The following SLC37A1 variants were observed in gnomAD, a reference collection of about 807,000 sequenced individuals.
SLC37A1 encodes the protein solute carrier family 37 member 1.
SLC37A1 carries 49 observed loss-of-function variants against 75.3 expected under a neutral mutation model. That is an observed-to-expected ratio of 0.65 (90% CI 0.52 to 0.83). The LOEUF (loss-of-function observed/expected upper bound fraction) is 0.83. Ranked by LOEUF, SLC37A1 falls within the 40% of genes least tolerant of loss-of-function variation. SLC37A1 has a pLI of 0.00. For missense variants in SLC37A1, 566 were observed against 695.0 expected (o/e 0.81, Z 2.09); for synonymous variants, 268 against 292.1 (o/e 0.92, Z 0.84).
intron 18 of SLC37A1, among the ~76,000 whole-genome samples, chr21:42,576,929 T>A (rs981505600): frequency 2.9e-4 from 44 of 152,336 alleles, no homozygotes; most frequent in Middle Eastern, 3.4e-3. Context: ...TGGCCTAAAG[T>A]TATCTGAAAG....
chr21:42,575,476 C>T, intron 18 of SLC37A1: 1 of 985,414 alleles, frequency 1.0e-6, no homozygotes, highest in Non-Finnish European at 1.2e-6. Flanking sequence ...TGGCTTCTGC[C>T]CCCTTTTCTC....
chr21:42,514,212 T>G lies in SLC37A1; in HGVS notation c.-684T>G, dbSNP rs2054478534. On this transcript the variant is annotated 5_prime_UTR_variant, in exon 1 of 20. Coordinates refer to ENST00000352133, the MANE Select transcript of SLC37A1 (RefSeq NM_001320537.2). This position sits in a 1 kb window ranked among gnomAD's most constrained non-coding sequence, Gnocchi z 4.8. ...AATACGACATCTAGAAGAGTGGCCC[T>G]CGGCGACAATGCCGGGCGTTCCCGG... 6.6e-6 allele frequency: 1 copy of G among 151,822 alleles called. No individual in the cohort carries two copies. The highest frequency in any genetic ancestry group is 1.5e-5 in the Non-Finnish European group (1 of 67,942). 9.4% of individuals were successfully genotyped at this position (151,822 alleles called of 1,614,324 possible).
chr21:42,499,628 C>CA (rs2054322770), upstream of SLC37A1: 2 of 152,254 alleles, frequency 1.3e-5, no homozygotes, highest in South Asian at 4.1e-4. Context: ...CCATAACCCC[C>CA]AAGTGGGAAG....
At chr21:42,570,788 G>A (rs1294610470) in intron 17 of SLC37A1, among the ~76,000 whole-genome samples, 1 of 152,224 alleles carries the variant, frequency 6.6e-6, no homozygotes, top group Admixed American at 6.5e-5. Context: ...CTGTGGCTAA[G>A]GGTGGAGACC....
At chr21:42,546,666 TGGGGACAGGCC>T (rs1231649924) in intron 8 of SLC37A1, among the ~76,000 whole-genome samples, 5 of 152,210 alleles carry the variant, frequency 3.3e-5, no homozygotes, top group Admixed American at 6.5e-5. Flanking sequence ...GCCGAGTGAC[TGGGGACAGGCC>T]GGGGCGTGTG....
rs2055760340 is a variant in SLC37A1 at position 42,559,041 on chromosome 21, T to TGGGAGTGGCACGGCCGCC, written c.934_951dup (p.Gly312_Ala317dup). 1.2e-6 allele frequency: 2 copies of TGGGAGTGGCACGGCCGCC among 1,613,412 alleles called. No homozygotes were observed. Among genetic ancestry groups the TGGGAGTGGCACGGCCGCC allele is most frequent in the South Asian group, 1.1e-5 (1 of 90,950 alleles). ...ACGTCGTCATTCTCCCCGGGGACGG[T>TGGGAGTGGCACGGCCGCC]GGGAGTGGCACGGCCGCCATCAGCT... On this transcript the variant is annotated inframe_insertion, in exon 11 of 20. Transcript: ENST00000352133.
In SLC37A1 at chr21:42,552,776, G is replaced by A. The variant is rs981539140; in HGVS notation, c.769-1286G>A. Among the ~76,000 whole-genome samples the A allele has an allele frequency of 1.3e-5, 2 of 152,184 alleles. No homozygotes were observed. The highest frequency in any genetic ancestry group is 2.9e-5 in the Non-Finnish European group (2 of 68,042). On this transcript the variant is annotated intron_variant, in intron 9 of 19. Transcript: ENST00000352133. This position sits in a 1 kb window ranked among gnomAD's most constrained non-coding sequence, Gnocchi z 4.2. ...AGATAGGCTTTGCCTGAGCACCCAC[G>A]TTCCTGGCTGAAAAGCAGGAAGAAG...
chr21:42,544,072 AT>A (rs1313007539), intron 8 of SLC37A1, among the ~76,000 whole-genome samples: 2 of 152,260 alleles, frequency 1.3e-5, no homozygotes, highest in African/African-American at 4.8e-5. Context: ...TCCATTTCAG[AT>A]TCAATAGCAA....
At chr21:42,572,811 T>G (rs2056217760) in intron 17 of SLC37A1, among the ~76,000 whole-genome samples, 1 of 151,610 alleles carries the variant, frequency 6.6e-6, no homozygotes, top group Non-Finnish European at 1.5e-5. Flanking sequence ...TCCTCCAGGC[T>G]CCCTCCTGCC....
rs1277089312 is a variant in SLC37A1 at position 42,547,901 on chromosome 21, G to A, written c.768+761G>A. ...TGGCATGACACCCCTCCTGTCTGCAGGCCACCGCCACCTCACGGGAACAGC... is the reference window on the plus strand; with the variant it reads ...TGGCATGACACCCCTCCTGTCTGCAAGCCACCGCCACCTCACGGGAACAGC... On this transcript the variant is annotated intron_variant, in intron 9 of 19. Coordinates refer to ENST00000352133, the MANE Select transcript of SLC37A1 (RefSeq NM_001320537.2). The surrounding 1 kb of genome is among the most constrained non-coding windows in gnomAD (Gnocchi z 6.1). 1.3e-5 allele frequency among the ~76,000 whole-genome samples: 2 copies of A among 152,124 alleles called. No homozygotes were observed. The highest frequency in any genetic ancestry group is 2.9e-5 in the Non-Finnish European group (2 of 68,014).
chr21:42,536,099 C>T (rs568457939), intron 5 of SLC37A1, among the ~76,000 whole-genome samples: 7 of 152,244 alleles, frequency 4.6e-5, no homozygotes, highest in South Asian at 4.1e-4. Flanking sequence ...GAGACCGGCT[C>T]GGATCTGAGT....
chr21:42,530,595 T>TACACACACACACACACACAC (rs71190427), intron 3 of SLC37A1, among the ~76,000 whole-genome samples: 4 of 103,128 alleles, frequency 3.9e-5, no homozygotes, highest in East Asian at 2.9e-4. Context: ...ATGCAGATGA[T>TACACACACACACACACACAC]ACACACACAC....
In SLC37A1 at chr21:42,545,640, G is replaced by T. The variant is rs2055388439; in HGVS notation, c.731-1463G>T. Among the ~76,000 whole-genome samples, 1 of 152,238 alleles carries T rather than the reference G, an allele frequency of 6.6e-6. No homozygotes were observed. Among genetic ancestry groups the T allele is most frequent in the South Asian group, 2.1e-4 (1 of 4,830 alleles). On this transcript the variant is annotated intron_variant, in intron 8 of 19. Transcript: ENST00000352133. This position sits in a 1 kb window ranked among gnomAD's most constrained non-coding sequence, Gnocchi z 4.0. ...CCAGCCAAGGGACGTGTGTGCCCAA[G>T]TCCCTGAAGGTGAAAGTCCAGGAAG... is the stretch of plus-strand genomic sequence containing the variant.
intron 2 of SLC37A1, among the ~76,000 whole-genome samples, chr21:42,503,338 C>T (rs1219985337): frequency 6.6e-6 from 1 of 150,896 alleles, no homozygotes; most frequent in Non-Finnish European, 1.5e-5. Context: ...CAGCCTAGAC[C>T]TCCCAGGTTC....
rs948782434 is a variant in SLC37A1 at position 42,548,377 on chromosome 21, C to T, written c.768+1237C>T. The stretch of plus-strand genomic sequence containing the variant: ...CTCTTGATTTTACCCCTGCACAAGC[C>T]GATCCCCCAGCATCCCCCATCTCAG... On this transcript the variant is annotated intron_variant, in intron 9 of 19. Coordinates refer to ENST00000352133, the MANE Select transcript of SLC37A1 (RefSeq NM_001320537.2). This position sits in a 1 kb window ranked among gnomAD's most constrained non-coding sequence, Gnocchi z 5.6. Among the ~76,000 whole-genome samples the T allele has an allele frequency of 6.6e-6, 1 of 152,010 alleles. No homozygotes were observed.
At position 42,514,756 on chromosome 21, in the gene SLC37A1, AC is replaced by A. The variant is rs1165564298; in HGVS notation, c.-179+40del. The A allele has an allele frequency of 6.6e-6, 1 of 152,216 alleles. No homozygotes were observed. The highest frequency in any genetic ancestry group is 1.5e-5 in the Non-Finnish European group (1 of 68,070). The allele number at this position is 152,216 out of a possible 1,614,324, so 9.4% of individuals were successfully genotyped here. A position where few individuals can be genotyped will look rare whatever the true frequency, so the allele number is the denominator to read the frequency against. ...AAGGATTTGCATTTGAACGAAGGAT[AC>A]TGGCCAAGCCCCTTACCACCCCCAC... On this transcript the variant is annotated intron_variant, in intron 1 of 19. Coordinates refer to ENST00000352133, the MANE Select transcript of SLC37A1 (RefSeq NM_001320537.2). The surrounding 1 kb of genome is among the most constrained non-coding windows in gnomAD (Gnocchi z 4.8).
At chr21:42,558,916 G>A in intron 10 of SLC37A1, 42 bp from the exon 11 acceptor site, 2 of 1,612,384 alleles carry the variant, frequency 1.2e-6, no homozygotes, top group Non-Finnish European at 8.5e-7. Flanking sequence ...CTGCCCGGCT[G>A]GTAACACCTT....
intron 17 of SLC37A1, among the ~76,000 whole-genome samples, chr21:42,570,516 G>A (rs571449489): frequency 6.6e-6 from 1 of 152,320 alleles, no homozygotes; most frequent in African/African-American, 2.4e-5. Context: ...GAAGTCGGGG[G>A]ACTGCGGGGC....
rs1455883257 is a variant in SLC37A1 at position 42,558,410 on chromosome 21, T to G, written c.850-548T>G. On this transcript the variant is annotated intron_variant, in intron 10 of 19. Coordinates refer to ENST00000352133, the MANE Select transcript of SLC37A1 (RefSeq NM_001320537.2). Reference sequence around the variant, plus strand: ...TTAGCATTTCGATAAAAATTACACATAATTCCACCACTCGCTGACAACCAT... The same window carrying G: ...TTAGCATTTCGATAAAAATTACACAGAATTCCACCACTCGCTGACAACCAT... 4.6e-5 allele frequency among the ~76,000 whole-genome samples: 7 copies of G among 152,258 alleles called. No individual in the cohort carries two copies. In the South Asian group the frequency reaches 1.4e-3, roughly 31 times the overall value.
Sources: gnomAD v4.1 joint callset for allele counts (sites outside exome capture counted in the v4.1 genomes callset) on GRCh38, gnomAD v4.1.1 for gene constraint, Gnocchi (gnomAD v3.1) non-coding constraint, MANE v1.5 for transcripts, NCBI Gene and HGNC (gene_info 2026-07-23, HGNC 2026-07-21) for gene names.